MAN1A1: variants seen among roughly 807,000 people sequenced by gnomAD.
MAN1A1 encodes mannosidase alpha class 1A member 1.
A neutral mutation model predicts 70.8 loss-of-function variants in MAN1A1; 29 were observed. That is an observed-to-expected ratio of 0.41 (90% CI 0.31 to 0.56). The LOEUF (loss-of-function observed/expected upper bound fraction) is 0.56, where lower values mean the gene tolerates loss of function less well. Among genes scored for constraint, MAN1A1 ranks in the 20% least tolerant of loss-of-function variants. MAN1A1 has a pLI of 0.29. For synonymous variants in MAN1A1, 349 were observed against 330.1 expected (o/e 1.06, Z -0.62); for missense variants, 747 against 841.3 (o/e 0.89, Z 1.39).
intron 6 of MAN1A1, among the ~76,000 whole-genome samples, chr6:119,226,640 T>C (rs1774522758): frequency 6.6e-6 from 1 of 152,206 alleles, no homozygotes. Context: ...GAAGAATATA[T>C]AAAATGTTCA....
rs78880033 is a variant in MAN1A1 at position 119,260,643 on chromosome 6, T to A, written c.898-12289A>T. Among the ~76,000 whole-genome samples, 165 of 152,352 alleles carry A rather than the reference T, an allele frequency of 1.1e-3. 2 individuals are homozygous for A. In the East Asian group the frequency reaches 0.025, roughly 23 times the overall value. On this transcript the variant is annotated intron_variant, in intron 5 of 12. Transcript: ENST00000368468. ...GCTAATTTACTTGAAAGCATCTTTA[T>A]CTTTTTTTCATTTAGAGGCTTTAAC...
intron 6 of MAN1A1, among the ~76,000 whole-genome samples, chr6:119,248,025 T>C (rs558828876): frequency 4.6e-5 from 7 of 152,172 alleles, no homozygotes; most frequent in Non-Finnish European, 8.8e-5. Context: ...CCTCCAATCG[T>C]GTCTGGCCTG....
At chr6:119,191,983 A>G (rs544107067) in intron 9 of MAN1A1, among the ~76,000 whole-genome samples, 2 of 80,328 alleles carry the variant, frequency 2.5e-5, no homozygotes, top group African/African-American at 6.0e-5. Flanking sequence ...TTGAAAATAT[A>G]CAGTGGATTG....
Position 119,306,882 on chromosome 6 carries a change from G to A in MAN1A1, c.700+14C>T. On this transcript the variant is annotated intron_variant, in intron 3 of 12. Transcript: ENST00000368468. The stretch of plus-strand genomic sequence containing the variant: ...AAGTTATCGTCACTAAGAAACCAAA[G>A]CACATCTACTCACCAAACAAACTGC... The A allele has an allele frequency of 3.3e-6, 5 of 1,528,676 alleles. No individual in the cohort carries two copies. The highest frequency in any genetic ancestry group is 4.5e-6 in the Non-Finnish European group (5 of 1,103,290). 94.7% of individuals were successfully genotyped at this position (1,528,676 alleles called of 1,614,324 possible). A position where few individuals can be genotyped will look rare whatever the true frequency, so the allele number is the denominator to read the frequency against.
At position 119,290,839 on chromosome 6, in the gene MAN1A1, T is replaced by C. The variant is rs1776519138; in HGVS notation, c.817-76A>G. The stretch of plus-strand genomic sequence containing the variant: ...CATTATTGTGATAAATTATACTAAA[T>C]ACTTAAATTTTGTTCAAATCTTATG... On this transcript the variant is annotated intron_variant, in intron 4 of 12. Coordinates refer to ENST00000368468, the MANE Select transcript of MAN1A1 (RefSeq NM_005907.4). 6.5e-6 allele frequency: 6 copies of C among 921,514 alleles called. No homozygotes were observed. In the Admixed American group the frequency reaches 1.0e-4, roughly 16 times the overall value. The allele number at this position is 921,514 out of a possible 1,614,324, so 57.1% of individuals were successfully genotyped here. A position where few individuals can be genotyped will look rare whatever the true frequency, so the allele number is the denominator to read the frequency against.
intron 2 of MAN1A1, among the ~76,000 whole-genome samples, chr6:119,319,137 T>C (rs1286511703): frequency 1.3e-5 from 2 of 152,116 alleles, no homozygotes; most frequent in Non-Finnish European, 2.9e-5. Flanking sequence ...ATGATTATTT[T>C]AGACTATATG....
intron 2 of MAN1A1, among the ~76,000 whole-genome samples, chr6:119,323,874 G>A (rs1245040798): frequency 1.3e-5 from 2 of 152,108 alleles, no homozygotes; most frequent in East Asian, 1.9e-4. Flanking sequence ...GGGATGAGAC[G>A]GAGTGAAGAG....
At chr6:119,327,402 T>G (rs1176979618) in intron 2 of MAN1A1, 1 of 148,542 alleles carries the variant, frequency 6.7e-6, no homozygotes, top group Non-Finnish European at 1.5e-5. Context: ...TTTTTTTTTT[T>G]TTTTTGAGAC....
chr6:119,253,379 G>A (rs887516568), intron 5 of MAN1A1, among the ~76,000 whole-genome samples: 11 of 152,224 alleles, frequency 7.2e-5, no homozygotes, highest in Non-Finnish European at 1.3e-4. Context: ...CAACAGAAAG[G>A]GCCCAATTCT....
chr6:119,237,144 ATG>A (rs1297090678), intron 6 of MAN1A1, among the ~76,000 whole-genome samples: 3 of 152,186 alleles, frequency 2.0e-5, no homozygotes, highest in Non-Finnish European at 4.4e-5. Context: ...GTTTATTGAG[ATG>A]GGATCTGGTG....
At chr6:119,288,638 G>A (rs1776447140) in intron 5 of MAN1A1, among the ~76,000 whole-genome samples, 1 of 151,728 alleles carries the variant, frequency 6.6e-6, no homozygotes, top group Non-Finnish European at 1.5e-5. Context: ...AAACAATCCA[G>A]TATTAATCAC....
intron 8 of MAN1A1, among the ~76,000 whole-genome samples, chr6:119,200,369 G>A (rs1419122031): frequency 3.3e-5 from 5 of 152,088 alleles, no homozygotes; most frequent in African/African-American, 9.7e-5. Context: ...CAACAGCTAG[G>A]CCTTCCAGAG....
At chr6:119,339,827 A>G (rs896482945) in intron 2 of MAN1A1, among the ~76,000 whole-genome samples, 5 of 152,200 alleles carry the variant, frequency 3.3e-5, no homozygotes, top group African/African-American at 1.2e-4. Flanking sequence ...ATGGTGGCTC[A>G]TGCCTATAAT....
In MAN1A1 at chr6:119,194,839, C is replaced by CT. The variant is rs149200738; in HGVS notation, c.1211-948dup. Reference sequence around the variant, plus strand: ...TAGGATAGGTATCTTCATTTTTTTTCTTTTTTTTTTTTGAGACGGAGTCTT... The same window carrying CT: ...TAGGATAGGTATCTTCATTTTTTTTCTTTTTTTTTTTTTGAGACGGAGTCTT... On this transcript the variant is annotated intron_variant, in intron 8 of 12. Coordinates refer to ENST00000368468, the MANE Select transcript of MAN1A1 (RefSeq NM_005907.4). 3.8e-3 allele frequency among the ~76,000 whole-genome samples: 556 copies of CT among 146,538 alleles called. 3 individuals carry two copies. Among genetic ancestry groups the CT allele is most frequent in the African/African-American group, 0.013 (519 of 39,780 alleles).
At chr6:119,197,946 C>T (rs1429768891) in intron 8 of MAN1A1, among the ~76,000 whole-genome samples, 1 of 152,108 alleles carries the variant, frequency 6.6e-6, no homozygotes. Context: ...CTCCTTCTGT[C>T]CCCCTTCATA....
chr6:119,206,017 C>T (rs188092026), intron 6 of MAN1A1, among the ~76,000 whole-genome samples: 15 of 152,250 alleles, frequency 9.9e-5, no homozygotes, highest in South Asian at 2.1e-4. Flanking sequence ...CACAATCCAG[C>T]GTAGTGGGGA....
chr6:119,331,546 G>A (rs195074), intron 2 of MAN1A1, among the ~76,000 whole-genome samples: 26,645 of 126,020 alleles, frequency 0.21, 2,892 homozygotes, highest in Admixed American at 0.34. Flanking sequence ...TTATATACAC[G>A]CACATAACCA....
intron 6 of MAN1A1, among the ~76,000 whole-genome samples, chr6:119,237,453 C>T (rs529360248): frequency 6.6e-5 from 10 of 152,192 alleles, no homozygotes; most frequent in African/African-American, 1.4e-4. Context: ...AGTTTGCGTC[C>T]GTGGTACTTT....
chr6:119,188,287 A>G, intron 11 of MAN1A1, 118 bp downstream of exon 11: 1 of 968,190 alleles, frequency 1.0e-6, no homozygotes, highest in Non-Finnish European at 1.5e-6. Flanking sequence ...TGGGTGGAAA[A>G]AATCCTGGTC....
Sources: gnomAD v4.1 joint callset for allele counts (sites outside exome capture counted in the v4.1 genomes callset) on GRCh38, gnomAD v4.1.1 for gene constraint, MANE v1.5 for transcripts, NCBI Gene and HGNC (gene_info 2026-07-23, HGNC 2026-07-21) for gene names.